Variants in RER1 observed in about 807,000 individuals in gnomAD.
The protein encoded by RER1 is protein RER1.
In RER1, 6 loss-of-function variants were observed where a neutral mutation model predicts 28.3. The ratio of observed to expected loss-of-function variants is 0.21; its 90% confidence interval spans 0.12 to 0.42. The LOEUF (loss-of-function observed/expected upper bound fraction) is 0.42. Among genes scored for constraint, RER1 ranks in the 10% least tolerant of loss-of-function variants. RER1 has a pLI of 1.00. For synonymous variants in RER1, 110 were observed against 95.9 expected (o/e 1.15, Z -0.86); for missense variants, 159 against 252.9 (o/e 0.63, Z 2.52).
At position 2,402,513 on chromosome 1, in the gene RER1, C is replaced by T. The variant is rs575846926; in HGVS notation, c.501+171C>T. Among the ~76,000 whole-genome samples the T allele has an allele frequency of 2.0e-3, 298 of 151,910 alleles. 2 individuals carry two copies. The highest frequency in any genetic ancestry group is 6.7e-3 in the African/African-American group (279 of 41,452). ...CGAGGACACTGCTCCGTTCCCAGCA[C>T]GGCCGGCTAACTAAACGGGGAGCGC... On this transcript the variant is annotated intron_variant, in intron 6 of 6. Transcript: ENST00000605895.
intron 1 of RER1, chr1:2,395,517 G>A (rs748007949): frequency 2.4e-5 from 11 of 451,380 alleles, no homozygotes; most frequent in Non-Finnish European, 3.7e-5. Flanking sequence ...GGACAGTCCC[G>A]CCCACGCAGG....
chr1:2,401,223 T>TTC (rs1642843922), intron 5 of RER1, among the ~76,000 whole-genome samples: 1 of 66,618 alleles, frequency 1.5e-5, no homozygotes, highest in Non-Finnish European at 3.6e-5. Context: ...TCCTCCCTCC[T>TTC]CCTCCCTTCC....
intron 4 of RER1, 29 bp downstream of exon 4, chr1:2,399,543 G>T: frequency 7.0e-7 from 1 of 1,434,390 alleles, no homozygotes; most frequent in Non-Finnish European, 9.8e-7. Context: ...ACTGGGCTGT[G>T]TGGGCAGGTT....
rs560361072 is a variant in RER1, at chr1:2,404,141, C to T, written c.*1017C>T. ...CACTGACATGCGAGTGAAGGCCTCT[C>T]CTCCTGGGCCCCGGGCTGCGCAGGC... On this transcript the variant is annotated 3_prime_UTR_variant, in exon 7 of 7. Coordinates refer to ENST00000605895, the MANE Select transcript of RER1 (RefSeq NM_007033.5). 1 of 152,202 alleles carries T rather than the reference C, an allele frequency of 6.6e-6. No individual in the cohort carries two copies. Among genetic ancestry groups the T allele is most frequent in the South Asian group, 2.1e-4 (1 of 4,830 alleles). 9.4% of individuals were successfully genotyped at this position (152,202 alleles called of 1,614,324 possible).
At chr1:2,400,473 C>T (rs1642829311) in intron 4 of RER1, among the ~76,000 whole-genome samples, 1 of 152,244 alleles carries the variant, frequency 6.6e-6, no homozygotes, top group South Asian at 2.1e-4. Flanking sequence ...GTGGGACAGG[C>T]CTGGCGCCCG....
chr1:2,393,857 G>A (rs577591576), intron 1 of RER1: 13 of 152,366 alleles, frequency 8.5e-5, no homozygotes, highest in African/African-American at 3.1e-4. Flanking sequence ...AGACAAGCAG[G>A]ATTGGCTGAT....
rs757370979 is a variant in RER1 at position 2,401,386 on chromosome 1, CCCTCCT to C, written c.365+457_365+462del. On this transcript the variant is annotated intron_variant, in intron 5 of 6. Transcript: ENST00000605895. ...TCCTCCCTCCTTCCTCCCTCCTCCTCCCTCCTCCTCCCTCCTCCTCCCTCCTTCCTC... is the reference window on the plus strand; with the variant it reads ...TCCTCCCTCCTTCCTCCCTCCTCCTCCCTCCCTCCTCCTCCCTCCTTCCTC... Among the ~76,000 whole-genome samples, 24 of 51,710 alleles carry C rather than the reference CCCTCCT, an allele frequency of 4.6e-4. 1 individual carries two copies. The highest frequency in any genetic ancestry group is 1.3e-3 in the East Asian group (2 of 1,532). 33.9% of individuals were successfully genotyped at this position (51,710 alleles called of 152,430 possible). A position where few individuals can be genotyped will look rare whatever the true frequency, so the allele number is the denominator to read the frequency against.
At chr1:2,394,735 C>G (rs1642742114) in intron 1 of RER1, 1 of 152,156 alleles carries the variant, frequency 6.6e-6, no homozygotes, top group Non-Finnish European at 1.5e-5. Context: ...ACAGGTGGGA[C>G]TTTAAGCCAA....
At position 2,405,199 on chromosome 1, in the gene RER1, T is replaced by G; in HGVS notation, c.*2075T>G. The stretch of plus-strand genomic sequence containing the variant: ...AGGTGCTGGCCTTGGTTGGTTTCTC[T>G]CTGCCCCGTGTGGTCATCAAGTCCT... On this transcript the variant is annotated 3_prime_UTR_variant, in exon 7 of 7. Transcript: ENST00000605895. 5.1e-6 allele frequency: 1 copy of G among 195,572 alleles called. No homozygotes were observed. The highest frequency in any genetic ancestry group is 1.1e-5 in the Non-Finnish European group (1 of 93,476). The allele number at this position is 195,572 out of a possible 1,614,324, so 12.1% of individuals were successfully genotyped here.
At chr1:2,392,332 G>A (rs947817726) in intron 1 of RER1, among the ~76,000 whole-genome samples, 4 of 152,222 alleles carry the variant, frequency 2.6e-5, no homozygotes, top group African/African-American at 9.6e-5. Context: ...TGCGAGTTGG[G>A]CTGTATTCCA....
chr1:2,401,636 G>A (rs1226205648), intron 5 of RER1, among the ~76,000 whole-genome samples: 2 of 151,970 alleles, frequency 1.3e-5, no homozygotes, highest in African/African-American at 2.4e-5. Context: ...ACCCAAGTCT[G>A]TTAGATCAGT....
chr1:2,401,517 C>G (rs1336718275), intron 5 of RER1, among the ~76,000 whole-genome samples: 1 of 149,452 alleles, frequency 6.7e-6, no homozygotes, highest in African/African-American at 2.5e-5. Context: ...GCCGAGGTGT[C>G]CGTGTCTGCA....
intron 4 of RER1, 60 bp downstream of exon 4, chr1:2,399,574 G>T (rs1642815838): frequency 1.9e-6 from 2 of 1,030,714 alleles, no homozygotes; most frequent in Non-Finnish European, 3.1e-6. Flanking sequence ...TTTCTGATGG[G>T]ATTGCCCAGT....
At chr1:2,400,588 C>T (rs1448405156) in intron 4 of RER1, among the ~76,000 whole-genome samples, 1 of 152,172 alleles carries the variant, frequency 6.6e-6, no homozygotes, top group Non-Finnish European at 1.5e-5. Flanking sequence ...GTGCAGCTGA[C>T]GTGTTCCTGG....
chr1:2,402,618 T>C (rs1464573319), intron 6 of RER1, among the ~76,000 whole-genome samples: 2 of 152,148 alleles, frequency 1.3e-5, no homozygotes, highest in African/African-American at 4.8e-5. Context: ...AGTGTCCCGG[T>C]GGCTCCTCTT....
chr1:2,399,480 T>C lies in RER1; in HGVS notation c.252T>C (p.Ser84=). The C allele has an allele frequency of 6.2e-7, 1 of 1,612,824 alleles. No homozygotes were observed. The highest frequency in any genetic ancestry group is 8.5e-7 in the Non-Finnish European group (1 of 1,178,818). The stretch of plus-strand genomic sequence containing the variant: ...TAAATCTTTTCATAGCTTTTCTTTC[T>C]CCCAAAGTGGATCCTTCCTTAATGG... ...YHLNLFIAFL[S]PKVDPSLMED... is the part of the protein sequence containing the mutation. The change falls in exon 4 of 7, where the codon TCT becomes TCC. Residue 84 remains serine, a synonymous_variant. Transcript: ENST00000605895.
intron 1 of RER1, chr1:2,394,666 G>T (rs1178685332): frequency 6.6e-6 from 1 of 152,316 alleles, no homozygotes; most frequent in Non-Finnish European, 1.5e-5. Flanking sequence ...TTACAGATGA[G>T]GAAACTGAGG....
At chr1:2,402,101 G>A (rs1304180777) in intron 5 of RER1, 106 bp from the exon 6 acceptor site, 1 of 1,611,682 alleles carries the variant, frequency 6.2e-7, no homozygotes, top group East Asian at 2.2e-5. Context: ...CCACAGGGAT[G>A]CTTCTGTTTG....
intron 1 of RER1, chr1:2,394,311 TTGA>T (rs1388406015): frequency 6.6e-6 from 1 of 152,218 alleles, no homozygotes; most frequent in Non-Finnish European, 1.5e-5. Context: ...CTGCACAGAC[TTGA>T]TGATGTGGAG....
Sources: gnomAD v4.1 joint callset for allele counts (sites outside exome capture counted in the v4.1 genomes callset) on GRCh38, gnomAD v4.1.1 for gene constraint, MANE v1.5 for transcripts, NCBI Gene and HGNC (gene_info 2026-07-23, HGNC 2026-07-21) for gene names.